Variants in SRGAP3 observed in about 807,000 individuals in gnomAD.
SRGAP3 encodes the protein SLIT-ROBO Rho GTPase-activating protein 3.
A neutral mutation model predicts 121.1 loss-of-function variants in SRGAP3; 39 were observed. The observed-to-expected ratio is 0.32, with a 90% confidence interval of 0.25 to 0.42. SRGAP3 has a LOEUF of 0.42. Ranked by LOEUF, SRGAP3 falls within the 10% of genes least tolerant of loss-of-function variation. SRGAP3 has a pLI of 1.00. For missense variants in SRGAP3, 1,213 were observed against 1,470.6 expected (o/e 0.82, Z 2.86); for synonymous variants, 601 against 570.0 (o/e 1.05, Z -0.77).
At chr3:9,302,640 A>G (rs933361190) in intron 3 of SRGAP3, among the ~76,000 whole-genome samples, 1 of 152,166 alleles carries the variant, frequency 6.6e-6, no homozygotes, top group African/African-American at 2.4e-5. Context: ...CTCTAAAATG[A>G]GAGCTTAGAC....
chr3:9,326,104 T>C (rs1353746630), exon 3 of SRGAP3: 1 of 151,972 alleles, frequency 6.6e-6, no homozygotes, highest in Non-Finnish European at 1.5e-5. Flanking sequence ...TCCAAAGTTT[T>C]GCTGTGGTGT....
rs1157901609 is a variant in SRGAP3, at chr3:8,980,991, G to A, written c.*4528C>T. On this transcript the variant is annotated 3_prime_UTR_variant, in exon 22 of 22. Coordinates refer to ENST00000383836, the MANE Select transcript of SRGAP3 (RefSeq NM_014850.4). ...AGGAAAAGTGCACTCTGGTTGTTCT[G>A]GTTCAAGGAACAGCTTTGTTATTGG... 4.3e-6 allele frequency: 1 copy of A among 233,250 alleles called. No individual in the cohort carries two copies. The highest frequency in any genetic ancestry group is 8.5e-6 in the Non-Finnish European group (1 of 117,880). 14.4% of individuals were successfully genotyped at this position (233,250 alleles called of 1,614,324 possible).
At chr3:9,322,855 A>C (rs1412966048) in intron 3 of SRGAP3, among the ~76,000 whole-genome samples, 1 of 151,842 alleles carries the variant, frequency 6.6e-6, no homozygotes, top group East Asian at 1.9e-4. Flanking sequence ...AGAAAGTGAA[A>C]ATTTAAGTTC....
chr3:9,078,624 G>A (rs1947091912), intron 4 of SRGAP3, among the ~76,000 whole-genome samples: 1 of 152,094 alleles, frequency 6.6e-6, no homozygotes, highest in South Asian at 2.1e-4. Flanking sequence ...TTCTCACAGG[G>A]ACGTGCACTA....
chr3:9,174,001 TG>T (rs1951082247), intron 1 of SRGAP3, among the ~76,000 whole-genome samples: 1 of 150,522 alleles, frequency 6.6e-6, no homozygotes, highest in African/African-American at 2.4e-5. Context: ...GACGGATGGA[TG>T]GGTCAACCAG....
rs996805380 is a variant in SRGAP3 at position 9,086,356 on chromosome 3, C to A, written c.424-6269G>T. Among the ~76,000 whole-genome samples, 4 of 151,906 alleles carry A rather than the reference C, an allele frequency of 2.6e-5. No individual in the cohort carries two copies. In the East Asian group the frequency reaches 7.7e-4, roughly 29 times the overall value. On this transcript the variant is annotated intron_variant, in intron 3 of 21. Coordinates refer to ENST00000383836, the MANE Select transcript of SRGAP3 (RefSeq NM_014850.4). ...CCTGGGCAACATGGTGAAACCCTGT[C>A]TCTATCAAACATACAAAAAATTAGC...
At chr3:9,288,264 A>C (rs569439091) in intron 3 of SRGAP3, among the ~76,000 whole-genome samples, 25 of 151,744 alleles carry the variant, frequency 1.6e-4, no homozygotes, top group African/African-American at 6.0e-4. Context: ...CAGCCTCCCA[A>C]GTAGCTAGGA....
intron 18 of SRGAP3, among the ~76,000 whole-genome samples, chr3:9,005,200 G>A (rs914952671): frequency 6.6e-6 from 1 of 152,168 alleles, no homozygotes; most frequent in Non-Finnish European, 1.5e-5. Context: ...AGTCATCAGA[G>A]AAATTCAAAT....
intron 3 of SRGAP3, among the ~76,000 whole-genome samples, chr3:9,084,139 C>T (rs1461317010): frequency 6.6e-6 from 1 of 152,186 alleles, no homozygotes; most frequent in Non-Finnish European, 1.5e-5. Context: ...TGGGTCCTGC[C>T]TGCAAACTTT....
chr3:9,015,220 C>T (rs1183674243), intron 15 of SRGAP3, among the ~76,000 whole-genome samples: 1 of 146,330 alleles, frequency 6.8e-6, no homozygotes, highest in Non-Finnish European at 1.5e-5. Flanking sequence ...CTTCCAACCT[C>T]TTGCACCATG....
At chr3:9,123,083 A>G (rs889734109) in intron 2 of SRGAP3, among the ~76,000 whole-genome samples, 9 of 152,240 alleles carry the variant, frequency 5.9e-5, no homozygotes, top group African/African-American at 1.9e-4. Context: ...CCAGTCACAA[A>G]GAGACAAATA....
chr3:9,261,177 A>C (rs1013845296), intron 3 of SRGAP3, among the ~76,000 whole-genome samples: 1 of 152,200 alleles, frequency 6.6e-6, no homozygotes, highest in Non-Finnish European at 1.5e-5. Flanking sequence ...ACGTCCACGC[A>C]AAAGCTCCAT....
chr3:9,058,504 G>A (rs1202111386), intron 6 of SRGAP3, 32 bp from the exon 7 acceptor site: 1 of 1,607,220 alleles, frequency 6.2e-7, no homozygotes, highest in South Asian at 1.1e-5. Context: ...AAGGTTATGG[G>A]TGACAGCCAG....
At chr3:9,255,512 T>C (rs1954112504) in intron 3 of SRGAP3, among the ~76,000 whole-genome samples, 1 of 151,966 alleles carries the variant, frequency 6.6e-6, no homozygotes, top group African/African-American at 2.4e-5. Context: ...CTCCCAGGAG[T>C]TCCAGCAAAA....
intron 1 of SRGAP3, among the ~76,000 whole-genome samples, chr3:9,175,560 G>A (rs1160277252): frequency 6.6e-6 from 1 of 152,226 alleles, no homozygotes; most frequent in East Asian, 1.9e-4. Flanking sequence ...GCAGCTCAGG[G>A]AAAGGCTGGT....
Position 8,985,341 on chromosome 3 carries a change from C to T in SRGAP3, c.*178G>A. Reference sequence around the variant, plus strand: ...ACACGCGAGAGGTCCGTGGGATTCCCATGGCTGGACGTGAGCTGCAGCCAG... The same window carrying T: ...ACACGCGAGAGGTCCGTGGGATTCCTATGGCTGGACGTGAGCTGCAGCCAG... On this transcript the variant is annotated 3_prime_UTR_variant, in exon 22 of 22. Coordinates refer to ENST00000383836, the MANE Select transcript of SRGAP3 (RefSeq NM_014850.4). This position sits in a 1 kb window ranked among gnomAD's most constrained non-coding sequence, Gnocchi z 5.1. 1 of 1,353,124 alleles carries T rather than the reference C, an allele frequency of 7.4e-7. No individual in the cohort carries two copies. The highest frequency in any genetic ancestry group is 1.5e-5 in the African/African-American group (1 of 66,136). 83.8% of individuals were successfully genotyped at this position (1,353,124 alleles called of 1,614,324 possible). A position where few individuals can be genotyped will look rare whatever the true frequency, so the allele number is the denominator to read the frequency against.
intron 1 of SRGAP3, among the ~76,000 whole-genome samples, chr3:9,190,393 C>T (rs1951713712): frequency 6.6e-6 from 1 of 152,158 alleles, no homozygotes; most frequent in Non-Finnish European, 1.5e-5. Context: ...GAGCTCTTGG[C>T]ATGAACAGAT....
intron 21 of SRGAP3, among the ~76,000 whole-genome samples, chr3:8,989,299 G>A (rs1236723995): frequency 6.6e-6 from 1 of 152,312 alleles, no homozygotes; most frequent in East Asian, 1.9e-4. Flanking sequence ...AAGTATGGGG[G>A]GGACCAGCAG....
chr3:9,083,772 C>T (rs1465149890), intron 3 of SRGAP3, among the ~76,000 whole-genome samples: 1 of 152,156 alleles, frequency 6.6e-6, no homozygotes, highest in Non-Finnish European at 1.5e-5. Flanking sequence ...AGAATTCCCT[C>T]CAGCCTTCCC....
Sources: allele counts gnomAD v4.1 joint callset (sites outside exome capture counted in the v4.1 genomes callset), GRCh38; gene constraint gnomAD v4.1.1; non-coding constraint Gnocchi (gnomAD v3.1); transcripts MANE v1.5; gene names NCBI Gene and HGNC (gene_info 2026-07-23, HGNC 2026-07-21).